Variants in TOB1 observed in about 807,000 individuals in gnomAD.
TOB1 encodes the protein protein Tob1.
TOB1 carries 2 observed loss-of-function variants against 22.9 expected under a neutral mutation model. The ratio of observed to expected loss-of-function variants is 0.09; its 90% CI spans 0.04 to 0.28. The LOEUF is 0.28. TOB1 is among the 10% of genes least tolerant of loss of function. The probability of loss-of-function intolerance (pLI) is 1.00; values close to 1 mark genes in which losing one functional copy is unlikely to be tolerated. For synonymous variants in TOB1, 154 were observed against 150.6 expected (o/e 1.02, Z -0.17); for missense variants, 299 against 420.5 (o/e 0.71, Z 2.53).
chr17:50,864,127 A>T lies in TOB1; in HGVS notation c.-110T>A, dbSNP rs200877256. 48 of 1,413,346 alleles carry T rather than the reference A, an allele frequency of 3.4e-5. No individual in the cohort carries two copies. In the East Asian group the frequency reaches 1.1e-3, roughly 34 times the overall value. 87.6% of individuals were successfully genotyped at this position (1,413,346 alleles called of 1,614,324 possible). ...ACAAATTTTCATTCAAAGTGCTGGT[A>T]TTAGTAGATTATCCTTCACCTTGAG... On this transcript the variant is annotated 5_prime_UTR_variant, in exon 2 of 2. Coordinates refer to ENST00000499247, the MANE Select transcript of TOB1 (RefSeq NM_005749.4).
Position 50,863,338 on chromosome 17 carries a change from T to G in TOB1, c.680A>C (p.His227Pro), listed in dbSNP as rs748817533. 6.2e-7 allele frequency: 1 copy of G among 1,613,732 alleles called. No individual in the cohort carries two copies. The part of the protein sequence containing the change: ...LKQKAISSSM[H>P]SLYGLGLGSQ... ...ACCCAAGCCAAGCCCATACAGAGAG[T>G]GCATTGAGGAAGAGATGGCTTTCTG... Residue 227 changes from histidine (H) to proline (P), a missense_variant, in exon 2 of 2, where the codon CAC (histidine) becomes CCC (proline). His to Pro is a moderately conservative substitution (Grantham distance 77). Transcript: ENST00000499247.
At chr17:50,866,574 C>T (rs9898809), upstream of TOB1, 100,407 of 152,166 alleles carry the variant, frequency 0.66, 33,464 homozygotes, top group Middle Eastern at 0.71. Context: ...GGACGCGCGG[C>T]GGACGCAGGG....
At chr17:50,865,526 G>T (rs941202904) in intron 1 of TOB1, among the ~76,000 whole-genome samples, 2 of 152,122 alleles carry the variant, frequency 1.3e-5, no homozygotes, top group Non-Finnish European at 2.9e-5. Context: ...GAGCCTCCTC[G>T]GAGAAGGAGG....
At position 50,863,873 on chromosome 17, in the gene TOB1, G is replaced by A. The variant is rs147865037; in HGVS notation, c.145C>T (p.Pro49Ser). 767 of 1,613,902 alleles carry A rather than the reference G, an allele frequency of 4.8e-4. 1 individual carries two copies. Among genetic ancestry groups the A allele is most frequent in the Non-Finnish European group, 6.1e-4 (721 of 1,179,994 alleles). Residue 49 changes from proline to serine, a missense_variant, in exon 2 of 2, where the codon CCA (proline) becomes TCA (serine). Pro to Ser is a moderately conservative substitution (Grantham distance 74). Transcript: ENST00000499247. ...CATCTAAACCCCGATCCTTTGTATG[G>A]CTTTTCAGGATACCAGTGCCCTTCA... is the stretch of plus-strand genomic sequence containing the variant. Reference protein sequence around the residue: ...KYEGHWYPEKPYKGSGFRCIH... With the variant: ...KYEGHWYPEKSYKGSGFRCIH...
Position 50,862,691 on chromosome 17 carries a change from C to A in TOB1, c.*289G>T. ...ATACAATTAGAAAAGACCAATAAAC[C>A]CACTTATTAGTGCCAATTTTTATAA... On this transcript the variant is annotated 3_prime_UTR_variant, in exon 2 of 2. Transcript: ENST00000499247. The A allele has an allele frequency of 3.6e-6, 1 of 274,922 alleles. No homozygotes were observed. Among genetic ancestry groups the A allele is most frequent in the South Asian group, 1.3e-4 (1 of 7,816 alleles). 17.0% of individuals were successfully genotyped at this position (274,922 alleles called of 1,614,324 possible).
rs761559367 is a variant in TOB1, at chr17:50,863,586, G to A, written c.432C>T (p.Asp144=). Residue 144 remains aspartate (D), a synonymous_variant, in exon 2 of 2, where the codon GAC becomes GAT. Transcript: ENST00000499247. ...GAGAGCTGGACACTGATGAGGCTGGGTCACTTATGGGCATAAAAACCTGGG... is the reference window on the plus strand; with the variant it reads ...GAGAGCTGGACACTGATGAGGCTGGATCACTTATGGGCATAAAAACCTGGG... ...PEAQVFMPIS[D]PASSVSSSPS... 2 of 1,614,154 alleles carry A rather than the reference G, an allele frequency of 1.2e-6. No homozygotes were observed. Among genetic ancestry groups the A allele is most frequent in the Admixed American group, 1.7e-5 (1 of 60,020 alleles).
In TOB1 at chr17:50,863,372, G is replaced by C. The variant is rs200947844; in HGVS notation, c.646C>G (p.Leu216Val). 6 of 1,614,068 alleles carry C rather than the reference G, an allele frequency of 3.7e-6. No homozygotes were observed. The highest frequency in any genetic ancestry group is 5.1e-6 in the Non-Finnish European group (6 of 1,180,024). ...PINLGLNVND[L>V]LKQKAISSSM... Reference sequence around the variant, plus strand: ...GAAGAGATGGCTTTCTGCTTCAAGAGGTCATTCACATTCAAGCCGAGGTTG... The same window carrying C: ...GAAGAGATGGCTTTCTGCTTCAAGACGTCATTCACATTCAAGCCGAGGTTG... The change falls in exon 2 of 2, where the codon CTC (leucine) becomes GTC (valine). Residue 216 changes from leucine (L) to valine (V), a missense_variant. Leu to Val is a conservative substitution (Grantham distance 32, BLOSUM62 1). Transcript: ENST00000499247.
upstream of TOB1, chr17:50,866,904 C>G (rs1301625990): frequency 6.6e-6 from 1 of 152,430 alleles, no homozygotes; most frequent in Admixed American, 6.5e-5. Context: ...AAATCGGCCT[C>G]CAGCCCACCC....
rs368554263 is a variant in TOB1, at chr17:50,864,907, G to A, written c.-146-744C>T. On this transcript the variant is annotated intron_variant, in intron 1 of 1. Coordinates refer to ENST00000499247, the MANE Select transcript of TOB1 (RefSeq NM_005749.4). Reference sequence around the variant, plus strand: ...CTATTCGGCAGCAAGTATAACAAAAGCAAAGACACAAATTAAAACTATTGA... The same window carrying A: ...CTATTCGGCAGCAAGTATAACAAAAACAAAGACACAAATTAAAACTATTGA... 3.3e-5 allele frequency among the ~76,000 whole-genome samples: 5 copies of A among 152,246 alleles called. No individual in the cohort carries two copies. In the South Asian group the frequency reaches 1.0e-3, roughly 32 times the overall value.
chr17:50,865,603 C>G (rs1300059400), intron 1 of TOB1, among the ~76,000 whole-genome samples: 2 of 152,014 alleles, frequency 1.3e-5, no homozygotes, highest in Non-Finnish European at 2.9e-5. Context: ...CAGGTCGGGG[C>G]GCCGGGTCAG....
chr17:50,865,596 G>C (rs1972286613), intron 1 of TOB1, among the ~76,000 whole-genome samples: 1 of 152,108 alleles, frequency 6.6e-6, no homozygotes, highest in Admixed American at 6.5e-5. Context: ...CACCGAGCAG[G>C]TCGGGGCGCC....
At position 50,863,433 on chromosome 17, in the gene TOB1, A is replaced by C. The variant is rs770602110; in HGVS notation, c.585T>G (p.Ser195Arg). Residue 195 changes from serine (S) to arginine (R), a missense_variant, in exon 2 of 2, where the codon AGT (serine) becomes AGG (arginine). By Grantham distance (110) the Ser-to-Arg change is moderately radical. Transcript: ENST00000499247. Reference sequence around the variant, plus strand: ...TACGTGCAACCTTGTTGCTACGGCCACTATTCTTCATTTTGGTAGAGCCGA... The same window carrying C: ...TACGTGCAACCTTGTTGCTACGGCCCCTATTCTTCATTTTGGTAGAGCCGA... ...TKFGSTKMKN[S>R]GRSNKVARTS... 11 of 1,614,162 alleles carry C rather than the reference A, an allele frequency of 6.8e-6. No individual in the cohort carries two copies. The highest frequency in any genetic ancestry group is 9.3e-6 in the Non-Finnish European group (11 of 1,180,018).
intron 1 of TOB1, among the ~76,000 whole-genome samples, chr17:50,865,659 G>C (rs1972288581): frequency 6.6e-6 from 1 of 151,868 alleles, no homozygotes; most frequent in Admixed American, 6.6e-5. Context: ...TCCCCGCCCC[G>C]TGGCCCCCGC....
At chr17:50,864,855 T>C (rs1972272397) in intron 1 of TOB1, among the ~76,000 whole-genome samples, 1 of 152,256 alleles carries the variant, frequency 6.6e-6, no homozygotes, top group African/African-American at 2.4e-5. Context: ...TTGTTTTCAA[T>C]GTGTATTTTT....
Position 50,863,672 on chromosome 17 carries a change from C to A in TOB1, c.346G>T (p.Asp116Tyr). The A allele has an allele frequency of 1.2e-6, 2 of 1,614,114 alleles. No individual in the cohort carries two copies. Among genetic ancestry groups the A allele is most frequent in the Non-Finnish European group, 1.7e-6 (2 of 1,179,984 alleles). Residue 116 changes from aspartate to tyrosine, a missense_variant, in exon 2 of 2, where the codon GAT becomes TAT. By Grantham distance (160) the Asp-to-Tyr change is radical (BLOSUM62 -3). Coordinates refer to ENST00000499247, the MANE Select transcript of TOB1 (RefSeq NM_005749.4). ...KGPVKVLYVD[D>Y]NNENGCELDK... is the part of the protein sequence containing the mutation. ...AACTCACATCCATTTTCATTATTAT[C>A]ATCCACGTAAAGCACCTTCACTGGT... is the stretch of plus-strand genomic sequence containing the variant.
rs1240278334 is a variant in TOB1, at chr17:50,862,240, T to C, written c.*740A>G. ...AATAGGCATTTTTAATTTTAAAGAATTTTAATACAAACTTAATATAAACTA... is the reference window on the plus strand; with the variant it reads ...AATAGGCATTTTTAATTTTAAAGAACTTTAATACAAACTTAATATAAACTA... On this transcript the variant is annotated 3_prime_UTR_variant, in exon 2 of 2. Coordinates refer to ENST00000499247, the MANE Select transcript of TOB1 (RefSeq NM_005749.4). 6.6e-6 allele frequency: 1 copy of C among 152,570 alleles called. No individual in the cohort carries two copies. Among genetic ancestry groups the C allele is most frequent in the Non-Finnish European group, 1.5e-5 (1 of 68,034 alleles). The allele number at this position is 152,570 out of a possible 1,614,324, so 9.5% of individuals were successfully genotyped here. A position where few individuals can be genotyped will look rare whatever the true frequency, so the allele number is the denominator to read the frequency against.
chr17:50,863,181 C>T lies in TOB1; in HGVS notation c.837G>A (p.Met279Ile), dbSNP rs61756340. The change falls in exon 2 of 2, where the codon ATG becomes ATA. Residue 279 changes from methionine to isoleucine, a missense_variant. Physicochemically the swap from Met to Ile is conservative, Grantham distance 10. Coordinates refer to ENST00000499247, the MANE Select transcript of TOB1 (RefSeq NM_005749.4). ...CATTGGTACTACTACCTTGACCCTG[C>T]ATATTAGGAAAAATAAATTCCTTGG... is the stretch of plus-strand genomic sequence containing the variant. ...PNAKEFIFPN[M>I]QGQGSSTNGM... The T allele has an allele frequency of 1.9e-5, 31 of 1,613,984 alleles. No individual in the cohort carries two copies. The highest frequency in any genetic ancestry group is 2.5e-5 in the Non-Finnish European group (29 of 1,180,030).
chr17:50,867,842 C>A (rs1285568285), upstream of TOB1: 3 of 152,240 alleles, frequency 2.0e-5, no homozygotes, highest in Non-Finnish European at 4.4e-5. Flanking sequence ...CCCGTGTAGA[C>A]CAGCTGTGCT....
chr17:50,867,270 C>G (rs1265363575), upstream of TOB1: 1 of 152,300 alleles, frequency 6.6e-6, no homozygotes, highest in Admixed American at 6.5e-5. Context: ...ATTTCTAGGG[C>G]TTGCTGGATC....
Sources: gnomAD v4.1 joint callset for allele counts (sites outside exome capture counted in the v4.1 genomes callset) on GRCh38, gnomAD v4.1.1 for gene constraint, MANE v1.5 for transcripts, NCBI Gene and HGNC (gene_info 2026-07-23, HGNC 2026-07-21) for gene names.